The following GPC6 variants were observed in gnomAD, a reference collection of about 807,000 sequenced individuals.
The protein encoded by GPC6 is glypican-6.
GPC6 carries 14 observed loss-of-function variants against 55.2 expected under a neutral mutation model. The observed-to-expected ratio is 0.25, with a 90% CI of 0.17 to 0.40. The LOEUF is 0.40. GPC6 is among the 10% of genes least tolerant of loss of function. GPC6 has a pLI of 1.00. For missense variants in GPC6, 641 were observed against 708.5 expected (o/e 0.90, Z 1.08); for synonymous variants, 278 against 259.6 (o/e 1.07, Z -0.68).
At chr13:93,692,978 A>G (rs1013297717) in intron 2 of GPC6, among the ~76,000 whole-genome samples, 3 of 152,162 alleles carry the variant, frequency 2.0e-5, no homozygotes, top group African/African-American at 7.2e-5. Flanking sequence ...CCTGGTTTCC[A>G]TAAATTCTAT....
At chr13:93,469,229 AATTGT>A (rs1390899413) in intron 1 of GPC6, among the ~76,000 whole-genome samples, 1 of 152,154 alleles carries the variant, frequency 6.6e-6, no homozygotes, top group African/African-American at 2.4e-5. Context: ...AATTCAATAA[AATTGT>A]ATTGTATTCA....
Position 94,262,757 on chromosome 13 carries a change from A to G in GPC6, c.878-23592A>G, listed in dbSNP as rs555778395. 2.8e-4 allele frequency among the ~76,000 whole-genome samples: 42 copies of G among 152,266 alleles called. No homozygotes were observed. In the South Asian group the frequency reaches 4.4e-3, roughly 16 times the overall value. ...TAGAGTAAGGAAAGGCTACTTTTTA[A>G]TGAGCTAACAGATGTGATCTAGGGA... is the stretch of plus-strand genomic sequence containing the variant. On this transcript the variant is annotated intron_variant, in intron 4 of 8. Transcript: ENST00000377047.
At chr13:94,221,575 A>G (rs1405335590) in intron 4 of GPC6, among the ~76,000 whole-genome samples, 2 of 152,080 alleles carry the variant, frequency 1.3e-5, no homozygotes, top group Non-Finnish European at 2.9e-5. Flanking sequence ...TCACTTGTAT[A>G]TACTGCAGTA....
intron 2 of GPC6, among the ~76,000 whole-genome samples, chr13:93,764,749 T>A (rs982562267): frequency 3.3e-5 from 5 of 152,092 alleles, no homozygotes; most frequent in Non-Finnish European, 5.9e-5. Flanking sequence ...GAAAATATAG[T>A]CCTGGAAGAC....
chr13:94,027,954 G>T (rs1179975083), intron 4 of GPC6, 60 bp downstream of exon 4: 4 of 1,449,444 alleles, frequency 2.8e-6, no homozygotes, highest in Non-Finnish European at 3.9e-6. Flanking sequence ...TGTTTATGGG[G>T]CTTGATGGGT....
At chr13:94,056,217 C>CT (rs554422095) in intron 4 of GPC6, among the ~76,000 whole-genome samples, 36 of 152,226 alleles carry the variant, frequency 2.4e-4, no homozygotes, top group African/African-American at 7.5e-4. Context: ...TCTCTAACCC[C>CT]TTTTTTTATT....
intron 2 of GPC6, among the ~76,000 whole-genome samples, chr13:93,800,382 G>T (rs1816700215): frequency 6.6e-6 from 1 of 152,078 alleles, no homozygotes. Context: ...AATTTAGAGG[G>T]TCCTAACTGA....
intron 1 of GPC6, among the ~76,000 whole-genome samples, chr13:93,356,021 A>G (rs1258997818): frequency 6.6e-6 from 1 of 152,120 alleles, no homozygotes. Flanking sequence ...GCCATGAGGA[A>G]GACCTGGTTT....
At chr13:94,348,140 T>A (rs905312343) in intron 6 of GPC6, among the ~76,000 whole-genome samples, 1 of 152,222 alleles carries the variant, frequency 6.6e-6, no homozygotes, top group Non-Finnish European at 1.5e-5. Flanking sequence ...TTTTAGCCTA[T>A]AAGGGCCTTA....
intron 1 of GPC6, among the ~76,000 whole-genome samples, chr13:93,539,136 T>C (rs2139423830): frequency 6.6e-6 from 1 of 152,284 alleles, no homozygotes; most frequent in South Asian, 2.1e-4. Flanking sequence ...ATTTTGATTG[T>C]GGATATTTGA....
intron 6 of GPC6, among the ~76,000 whole-genome samples, chr13:94,328,592 G>A (rs1349603495): frequency 6.6e-6 from 1 of 152,226 alleles, no homozygotes; most frequent in Admixed American, 6.5e-5. Flanking sequence ...GACGTGAAGA[G>A]AGACCCCATC....
chr13:93,850,328 T>G (rs1008005812), intron 3 of GPC6, among the ~76,000 whole-genome samples: 4 of 151,794 alleles, frequency 2.6e-5, no homozygotes, highest in African/African-American at 9.7e-5. Flanking sequence ...CCCAGACAAA[T>G]GAATAGTAGA....
At position 93,387,908 on chromosome 13, in the gene GPC6, G is replaced by A. The variant is rs542182974; in HGVS notation, c.161-157355G>A. On this transcript the variant is annotated intron_variant, in intron 1 of 8. Coordinates refer to ENST00000377047, the MANE Select transcript of GPC6 (RefSeq NM_005708.5). ...ATTTGTATAAGTTTCTATTTCATCA[G>A]TTTTATTTATACTAACAATTTTAGT... Among the ~76,000 whole-genome samples the A allele has an allele frequency of 2.6e-5, 4 of 152,178 alleles. No homozygotes were observed. The South Asian group carries it at 8.3e-4, about 32-fold the overall frequency.
At chr13:93,217,570 CT>C in the GPC6 span, among the ~76,000 whole-genome samples, 1 of 152,142 alleles carries the variant, frequency 6.6e-6, no homozygotes, top group Admixed American at 6.6e-5. Flanking sequence ...GATCCTTCAT[CT>C]CTTCAATTTT....
intron 1 of GPC6, among the ~76,000 whole-genome samples, chr13:93,253,288 T>C (rs1449319633): frequency 6.6e-6 from 1 of 152,214 alleles, no homozygotes; most frequent in African/African-American, 2.4e-5. Flanking sequence ...TTTTGAATGA[T>C]CTATTTATGA....
chr13:93,408,120 G>A (rs2139241094), intron 1 of GPC6, among the ~76,000 whole-genome samples: 1 of 152,200 alleles, frequency 6.6e-6, no homozygotes, highest in South Asian at 2.1e-4. Flanking sequence ...ATTGGATTTG[G>A]GACAGGAGGC....
intron 2 of GPC6, among the ~76,000 whole-genome samples, chr13:93,681,912 G>T (rs1271406838): frequency 2.0e-5 from 3 of 152,070 alleles, no homozygotes; most frequent in Admixed American, 2.0e-4. Context: ...CCTGCAAGAT[G>T]CATTTTTGTA....
At chr13:94,345,891 A>G (rs1353383848) in intron 6 of GPC6, among the ~76,000 whole-genome samples, 1 of 152,172 alleles carries the variant, frequency 6.6e-6, no homozygotes, top group Non-Finnish European at 1.5e-5. Context: ...GTAGCAGCAG[A>G]AGCATGCGCC....
Position 93,902,473 on chromosome 13 carries a change from G to A in GPC6, c.711+71928G>A, listed in dbSNP as rs116635651. Among the ~76,000 whole-genome samples, 730 of 152,074 alleles carry A rather than the reference G, an allele frequency of 4.8e-3. 7 individuals carry two copies. The highest frequency in any genetic ancestry group is 0.016 in the African/African-American group (680 of 41,460). ...TCATCCATTGGTGGACAGACACTTC[G>A]GTTGATTCCTTATCTTGACTATTGT... On this transcript the variant is annotated intron_variant, in intron 3 of 8. Transcript: ENST00000377047.
Sources: gnomAD v4.1 joint callset for allele counts (sites outside exome capture counted in the v4.1 genomes callset) on GRCh38, gnomAD v4.1.1 for gene constraint, MANE v1.5 for transcripts, NCBI Gene and HGNC (gene_info 2026-07-23, HGNC 2026-07-21) for gene names.